Variants in TRPC4 observed in about 807,000 individuals in gnomAD.
The protein encoded by TRPC4 is transient receptor potential cation channel subfamily C member 4.
In TRPC4, 49 loss-of-function variants were observed where a neutral mutation model predicts 99.4. The ratio of observed to expected loss-of-function variants is 0.49; its 90% confidence interval spans 0.39 to 0.63. TRPC4 has a LOEUF of 0.63. Among genes scored for constraint, TRPC4 ranks in the 20% least tolerant of loss-of-function variants. TRPC4 has a pLI of 0.00. For missense variants in TRPC4, 898 were observed against 1,152.9 expected, an observed-to-expected ratio of 0.78 and a Z score of 3.20; for synonymous variants, 454 against 425.9, an observed-to-expected ratio of 1.07 and a Z score of -0.81.
chr13:37,713,695 G>A (rs1954562779), intron 3 of TRPC4, among the ~76,000 whole-genome samples: 1 of 152,170 alleles, frequency 6.6e-6, no homozygotes, highest in African/African-American at 2.4e-5. Flanking sequence ...AAGAAAAGGA[G>A]AAGGTGGACT....
intron 8 of TRPC4, among the ~76,000 whole-genome samples, chr13:37,647,873 A>G (rs541187197): frequency 6.6e-6 from 1 of 152,232 alleles, no homozygotes; most frequent in African/African-American, 2.4e-5. Flanking sequence ...TTTTGATATT[A>G]CTTTCTCAGT....
chr13:37,672,522 T>C (rs948754218), intron 5 of TRPC4, among the ~76,000 whole-genome samples: 9 of 152,194 alleles, frequency 5.9e-5, no homozygotes, highest in Non-Finnish European at 1.0e-4. Flanking sequence ...TGGCAAGCCC[T>C]CCTTATGATT....
intron 4 of TRPC4, among the ~76,000 whole-genome samples, chr13:37,686,482 A>G (rs1239808523): frequency 6.6e-6 from 1 of 151,916 alleles, no homozygotes. Flanking sequence ...TCCATATAGT[A>G]TTATTTGACT....
intron 3 of TRPC4, among the ~76,000 whole-genome samples, chr13:37,735,849 T>A: frequency 6.6e-6 from 1 of 152,334 alleles, no homozygotes; most frequent in East Asian, 1.9e-4. Flanking sequence ...TAAAGCAGTA[T>A]CAAATACAAG....
intron 8 of TRPC4, among the ~76,000 whole-genome samples, chr13:37,647,293 G>A (rs1924281): frequency 0.026 from 4,030 of 152,236 alleles, 175 homozygotes; most frequent in African/African-American, 0.091. Context: ...ATACTTCAAA[G>A]AATGAAGTCA....
At chr13:37,846,367 T>G (rs1958898226) in intron 1 of TRPC4, among the ~76,000 whole-genome samples, 1 of 152,120 alleles carries the variant, frequency 6.6e-6, no homozygotes, top group South Asian at 2.1e-4. Flanking sequence ...TAAAAATAAT[T>G]GCAGCAACAA....
At chr13:37,737,217 CA>C (rs1453282249) in intron 3 of TRPC4, among the ~76,000 whole-genome samples, 2 of 142,590 alleles carry the variant, frequency 1.4e-5, no homozygotes, top group Non-Finnish European at 3.1e-5. Flanking sequence ...CAGGAACAGA[CA>C]AAAAATAGTA....
chr13:37,728,425 A>G (rs1955132453), intron 3 of TRPC4, among the ~76,000 whole-genome samples: 1 of 152,064 alleles, frequency 6.6e-6, no homozygotes, highest in African/African-American at 2.4e-5. Context: ...AAGGAAATTC[A>G]ATTTATAAAA....
intron 2 of TRPC4, among the ~76,000 whole-genome samples, chr13:37,769,999 G>A (rs1025542320): frequency 1.3e-5 from 2 of 151,432 alleles, no homozygotes; most frequent in South Asian, 2.1e-4. Context: ...ATAGTAAGTC[G>A]TGGAGCCAGG....
Position 37,783,034 on chromosome 13 carries a change from T to TGCTATTTTCTG in TRPC4, c.299_300insCAGAAAATAGC (p.Leu101ArgfsTer3). 6.2e-7 allele frequency: 1 copy of TGCTATTTTCTG among 1,612,974 alleles called. No homozygotes were observed. Among genetic ancestry groups the TGCTATTTTCTG allele is most frequent in the Non-Finnish European group, 8.5e-7 (1 of 1,179,556 alleles). On this transcript the variant is annotated stop_gained and frameshift_variant, in exon 2 of 11. Transcript: ENST00000379705. LOFTEE classifies it high-confidence loss of function. ...CGACTTCTTTTCTGATAGCATGTAATAGAGCATCTCCAACATAGACATTAA... is the reference window on the plus strand; with the variant it reads ...CGACTTCTTTTCTGATAGCATGTAATGCTATTTTCTGAGAGCATCTCCAACATAGACATTAA...
chr13:37,801,691 C>T (rs1169206312), intron 1 of TRPC4, among the ~76,000 whole-genome samples: 3 of 152,004 alleles, frequency 2.0e-5, no homozygotes, highest in Non-Finnish European at 4.4e-5. Flanking sequence ...ACTGCTTTTC[C>T]TTCTGAAATG....
chr13:37,773,678 G>C lies in TRPC4; in HGVS notation c.378+9278C>G, dbSNP rs369144423. The stretch of plus-strand genomic sequence containing the variant: ...ACAATAATGAAAGAACTTACCACAA[G>C]GGTTGTTATGAGGTTTAAATAAGAT... On this transcript the variant is annotated intron_variant, in intron 2 of 10. Transcript: ENST00000379705. 2.0e-5 allele frequency among the ~76,000 whole-genome samples: 3 copies of C among 151,704 alleles called. No individual in the cohort carries two copies. The East Asian group carries it at 5.9e-4, about 30-fold the overall frequency.
At chr13:37,821,704 C>A (rs1425685428) in intron 1 of TRPC4, among the ~76,000 whole-genome samples, 1 of 152,078 alleles carries the variant, frequency 6.6e-6, no homozygotes, top group African/African-American at 2.4e-5. Context: ...CAACAGCAAG[C>A]AATGGGGAAA....
intron 1 of TRPC4, among the ~76,000 whole-genome samples, chr13:37,847,818 T>G (rs1484715525): frequency 6.6e-6 from 1 of 152,052 alleles, no homozygotes; most frequent in Non-Finnish European, 1.5e-5. Context: ...ATATATACAG[T>G]GGACTCATAA....
intron 6 of TRPC4, among the ~76,000 whole-genome samples, chr13:37,659,602 G>T (rs916963992): frequency 6.6e-6 from 1 of 152,142 alleles, no homozygotes; most frequent in Non-Finnish European, 1.5e-5. Flanking sequence ...AACCATTTTG[G>T]CACTTTAAAC....
intron 7 of TRPC4, 81 bp from the exon 8 acceptor site, chr13:37,651,540 G>T: frequency 7.9e-7 from 1 of 1,258,152 alleles, no homozygotes; most frequent in Non-Finnish European, 1.1e-6. Flanking sequence ...CCTGTAACCT[G>T]ACTTCAAGCG....
At chr13:37,685,728 T>C (rs560308688) in intron 4 of TRPC4, among the ~76,000 whole-genome samples, 3 of 152,242 alleles carry the variant, frequency 2.0e-5, no homozygotes, top group African/African-American at 7.2e-5. Flanking sequence ...GGCCTGTAAA[T>C]TTCAATTTTT....
chr13:37,691,153 C>G (rs1332586438), intron 4 of TRPC4, among the ~76,000 whole-genome samples: 3 of 151,962 alleles, frequency 2.0e-5, no homozygotes. Context: ...CCAGGCTGGA[C>G]TACAGTGGCG....
chr13:37,842,343 CAAAAAAAAAAAAAAAAA>C (rs57428116), intron 1 of TRPC4, among the ~76,000 whole-genome samples: 1 of 15,634 alleles, frequency 6.4e-5, no homozygotes, highest in Non-Finnish European at 1.3e-4. Flanking sequence ...AGCGTCTAGC[CAAAAAAAAAAAAAAAAA>C]AAAAAAAAAA....
Sources: gnomAD v4.1 joint callset for allele counts (sites outside exome capture counted in the v4.1 genomes callset) on GRCh38, gnomAD v4.1.1 for gene constraint, MANE v1.5 for transcripts, NCBI Gene and HGNC (gene_info 2026-07-23, HGNC 2026-07-21) for gene names.